Variants in KIF19 observed in about 807,000 individuals in gnomAD.
The protein encoded by KIF19 is kinesin family member 19, also known as kinesin-like protein KIF19.
KIF19 carries 98 observed loss-of-function variants against 106.6 expected under a neutral mutation model. That is an observed-to-expected ratio of 0.92 (90% confidence interval 0.78 to 1.09). The LOEUF (loss-of-function observed/expected upper bound fraction) is 1.09. KIF19 is among the 50% of genes least tolerant of loss of function. The pLI is 0.00. For missense variants in KIF19, 1,373 were observed against 1,414.3 expected (o/e 0.97, Z 0.47); for synonymous variants, 516 against 584.2 (o/e 0.88, Z 1.68).
Position 74,331,391 on chromosome 17 carries a change from C to T in KIF19, c.120+2886C>T, listed in dbSNP as rs1195035562. 6.6e-6 allele frequency among the ~76,000 whole-genome samples: 1 copy of T among 152,086 alleles called. No individual in the cohort carries two copies. The highest frequency in any genetic ancestry group is 1.5e-5 in the Non-Finnish European group (1 of 68,022). Reference sequence around the variant, plus strand: ...ACCGGGGACACAGTAACCCGCTGGGCTGGGCCACCGTGAGGGGTCCTGGGG... The same window carrying T: ...ACCGGGGACACAGTAACCCGCTGGGTTGGGCCACCGTGAGGGGTCCTGGGG... On this transcript the variant is annotated intron_variant, in intron 2 of 19. Transcript: ENST00000389916. This position sits in a 1 kb window ranked among gnomAD's most constrained non-coding sequence, Gnocchi z 4.1.
chr17:74,328,014 T>A (rs1300939155), intron 1 of KIF19, among the ~76,000 whole-genome samples: 1 of 152,222 alleles, frequency 6.6e-6, no homozygotes, highest in Admixed American at 6.5e-5. Context: ...GGACATTCCC[T>A]GCTCCATCCC....
At chr17:74,344,451 G>T in intron 6 of KIF19, 103 bp downstream of exon 6, 1 of 1,508,410 alleles carries the variant, frequency 6.6e-7, no homozygotes. Flanking sequence ...CCACTCGGCT[G>T]AGGCTGGGAC....
chr17:74,349,038 G>A (rs912617582), intron 9 of KIF19, 146 bp from the exon 10 acceptor site: 1 of 714,756 alleles, frequency 1.4e-6, no homozygotes, highest in African/African-American at 1.8e-5. Flanking sequence ...AGTGTGACAG[G>A]AGGTTGTGGA....
At chr17:74,330,750 C>G (rs541000969) in intron 2 of KIF19, among the ~76,000 whole-genome samples, 1 of 152,332 alleles carries the variant, frequency 6.6e-6, no homozygotes, top group South Asian at 2.1e-4. Flanking sequence ...CTAATCCAGC[C>G]AAGATACGCC....
Position 74,341,894 on chromosome 17 carries a change from C to G in KIF19, c.139C>G (p.Pro47Ala). ...VDEQMVVLMD[P>A]MEDPDDILRA... Reference sequence around the variant, plus strand: ...CTTGCAGATGGTGGTTCTCATGGACCCAATGGAGGATCCCGACGACATCCT... The same window carrying G: ...CTTGCAGATGGTGGTTCTCATGGACGCAATGGAGGATCCCGACGACATCCT... The change falls in exon 3 of 20, where the codon CCA becomes GCA. Residue 47 changes from proline (P) to alanine (A), a missense_variant. Transcript: ENST00000389916. 6.2e-7 allele frequency: 1 copy of G among 1,613,638 alleles called. No homozygotes were observed. Among genetic ancestry groups the G allele is most frequent in the Non-Finnish European group, 8.5e-7 (1 of 1,179,768 alleles).
rs758047071 is a variant in KIF19 at position 74,342,670 on chromosome 17, G to T, written c.272G>T (p.Gly91Val). 21 of 1,613,540 alleles carry T rather than the reference G, an allele frequency of 1.3e-5. No homozygotes were observed. In the East Asian group the frequency reaches 4.0e-4, roughly 31 times the overall value. ...GCCACCACCAAGAGCCTCATCGAGG[G>T]CGTCATCTCAGGCTACAATGCCACT... ...YQATTKSLIE[G>V]VISGYNATVF... Residue 91 changes from glycine to valine, a missense_variant, in exon 4 of 20, where the codon GGC becomes GTC. Physicochemically the swap from Gly to Val is moderately radical, Grantham distance 109. Coordinates refer to ENST00000389916, the MANE Select transcript of KIF19 (RefSeq NM_153209.4).
chr17:74,354,744 G>A, intron 18 of KIF19, 38 bp from the exon 19 acceptor site: 1 of 1,541,882 alleles, frequency 6.5e-7, no homozygotes, highest in Non-Finnish European at 8.8e-7. Context: ...AGATCCCTGT[G>A]CCGCTCTCGG....
rs948648374 is a variant in KIF19 at position 74,346,765 on chromosome 17, G to T, written c.924+241G>T. Among the ~76,000 whole-genome samples, 1 of 152,128 alleles carries T rather than the reference G, an allele frequency of 6.6e-6. No homozygotes were observed. The highest frequency in any genetic ancestry group is 2.4e-5 in the African/African-American group (1 of 41,402). On this transcript the variant is annotated intron_variant, in intron 8 of 19. Coordinates refer to ENST00000389916, the MANE Select transcript of KIF19 (RefSeq NM_153209.4). The surrounding 1 kb of genome is among the most constrained non-coding windows in gnomAD (Gnocchi z 4.6). The stretch of plus-strand genomic sequence containing the variant: ...TTTTATCTGACGACCCTAACCAAAG[G>T]CTGGGCAATGGGAAGGAAAAGGAGC...
rs200602252 is a variant in KIF19, at chr17:74,352,320, G to C, written c.1960G>C (p.Val654Leu). Residue 654 changes from valine (V) to leucine (L), a missense_variant, in exon 14 of 20, where the codon GTG becomes CTG. Physicochemically the swap from Val to Leu is conservative, Grantham distance 32. Around this residue, in one of 3 missense-constraint regions of KIF19, gnomAD observed 1,020 missense variants for 1,008.2 expected, o/e 1.01. Transcript: ENST00000389916. ...SLEQATIMDQ[V>L]ASRALQDSSL... ...GGAGCAGGCCACCATCATGGACCAA[G>C]TGGCCTCCAGGGCCCTGCAGGTGGG... The C allele has an allele frequency of 5.3e-5, 86 of 1,610,246 alleles. No individual in the cohort carries two copies. Among genetic ancestry groups the C allele is most frequent in the Non-Finnish European group, 6.9e-5 (81 of 1,178,866 alleles).
In KIF19 at chr17:74,346,149, G is replaced by T. The variant is rs115629038; in HGVS notation, c.778-229G>T. On this transcript the variant is annotated intron_variant, in intron 7 of 19. Transcript: ENST00000389916. This position sits in a 1 kb window ranked among gnomAD's most constrained non-coding sequence, Gnocchi z 4.6. ...CACGGCACCTGCCCTGAGGAGAACC[G>T]GCCATCTCAGCCCTCCTCAGAAGCT... 6.6e-6 allele frequency among the ~76,000 whole-genome samples: 1 copy of T among 152,184 alleles called. No individual in the cohort carries two copies. Among genetic ancestry groups the T allele is most frequent in the Non-Finnish European group, 1.5e-5 (1 of 68,032 alleles).
chr17:74,326,692 C>T (rs933668021), intron 1 of KIF19, among the ~76,000 whole-genome samples: 1 of 152,140 alleles, frequency 6.6e-6, no homozygotes, highest in African/African-American at 2.4e-5. Context: ...GCTCTCTCAT[C>T]CAGAAACGCC....
rs2054833161 is a variant in KIF19, at chr17:74,354,834, CG to C, written c.2761del (p.Asp921ThrfsTer109). ...GGGCCCCATCAGGCGGAGCGCATCT[CG>C]GACCACAGGATGCCAGTGTGCAGGC... ...LLGPHQAERI[S>X]DHRMPVCRHP... On this transcript the variant is annotated frameshift_variant, in exon 19 of 20. Transcript: ENST00000389916. LOFTEE classifies it high-confidence loss of function. 5.8e-6 allele frequency: 9 copies of C among 1,561,030 alleles called. No homozygotes were observed. The East Asian group carries it at 2.2e-4, about 38-fold the overall frequency.
chr17:74,328,658 G>A, intron 2 of KIF19, 153 bp downstream of exon 2: 1 of 601,748 alleles, frequency 1.7e-6, no homozygotes, highest in Non-Finnish European at 2.9e-6. Flanking sequence ...ACATCACCAA[G>A]GAAGCTGGGG....
intron 2 of KIF19, among the ~76,000 whole-genome samples, chr17:74,330,963 G>A (rs2054061458): frequency 6.6e-6 from 1 of 152,210 alleles, no homozygotes; most frequent in African/African-American, 2.4e-5. Flanking sequence ...ATCCAGCCCA[G>A]CCCTTCTAAC....
chr17:74,345,788 T>C (rs909547343), intron 7 of KIF19, among the ~76,000 whole-genome samples: 1 of 151,946 alleles, frequency 6.6e-6, no homozygotes, highest in African/African-American at 2.4e-5. Flanking sequence ...CAGTAAAGCC[T>C]GGGGGGCTTC....
At position 74,349,365 on chromosome 17, in the gene KIF19, T is replaced by G. The variant is rs1446337326; in HGVS notation, c.1213+16T>G. 1.9e-6 allele frequency: 3 copies of G among 1,578,004 alleles called. No individual in the cohort carries two copies. Among genetic ancestry groups the G allele is most frequent in the East Asian group, 2.3e-5 (1 of 44,372 alleles). On this transcript the variant is annotated intron_variant, in intron 10 of 19. Coordinates refer to ENST00000389916, the MANE Select transcript of KIF19 (RefSeq NM_153209.4). ...CACATCCAAGGTGCGCCTGTGGGTC[T>G]GTGTGAGTGGCAGCCCCCTCCGGCC...
rs369577605 is a variant in KIF19 at position 74,349,368 on chromosome 17, G to A, written c.1213+19G>A. On this transcript the variant is annotated intron_variant, in intron 10 of 19. Transcript: ENST00000389916. ...ATCCAAGGTGCGCCTGTGGGTCTGT[G>A]TGAGTGGCAGCCCCCTCCGGCCAGC... 76 of 1,573,448 alleles carry A rather than the reference G, an allele frequency of 4.8e-5. No individual in the cohort carries two copies. Among genetic ancestry groups the A allele is most frequent in the Non-Finnish European group, 6.5e-5 (76 of 1,160,714 alleles).
Position 74,354,482 on chromosome 17 carries a change from G to A in KIF19, c.2629G>A (p.Gly877Ser). Residue 877 changes from glycine (G) to serine (S), a missense_variant, in exon 18 of 20, where the codon GGC (glycine) becomes AGC (serine). Coordinates refer to ENST00000389916, the MANE Select transcript of KIF19 (RefSeq NM_153209.4). ...PWLRGQKKSL[G>S]KKREESLEAK... ...GCTGCGTGGCCAGAAGAAAAGCCTGGGCAAGAAAAGGGAGGAGTCGCTGGA... is the reference window on the plus strand; with the variant it reads ...GCTGCGTGGCCAGAAGAAAAGCCTGAGCAAGAAAAGGGAGGAGTCGCTGGA... The A allele has an allele frequency of 6.2e-7, 1 of 1,607,772 alleles. No individual in the cohort carries two copies. The highest frequency in any genetic ancestry group is 1.7e-5 in the Admixed American group (1 of 59,136).
At chr17:74,340,642 G>C (rs1055558744) in intron 2 of KIF19, among the ~76,000 whole-genome samples, 17 of 152,188 alleles carry the variant, frequency 1.1e-4, no homozygotes, top group African/African-American at 3.9e-4. Context: ...GCCTGTCCTG[G>C]CTGCCAGCCC....
Sources: allele counts gnomAD v4.1 joint callset (sites outside exome capture counted in the v4.1 genomes callset), GRCh38; gene constraint gnomAD v4.1.1; regional missense constraint gnomAD v4.1.1; non-coding constraint Gnocchi (gnomAD v3.1); transcripts MANE v1.5; gene names NCBI Gene and HGNC (gene_info 2026-07-23, HGNC 2026-07-21).